The following INTS6 variants were observed in gnomAD, a reference collection of about 807,000 sequenced individuals.
INTS6 encodes the protein integrator complex subunit 6, also known as DEAD box protein.
Under a neutral mutation model 104.9 loss-of-function variants are expected in INTS6, and 16 were observed. The observed-to-expected ratio is 0.15, with a 90% CI of 0.10 to 0.23. INTS6 has a LOEUF of 0.23. Among genes scored for constraint, INTS6 ranks in the 10% least tolerant of loss-of-function variants. The probability of loss-of-function intolerance (pLI) is 1.00; values close to 1 mark genes in which losing one functional copy is unlikely to be tolerated. For synonymous variants in INTS6, 324 were observed against 358.7 expected (o/e 0.90, Z 1.09); for missense variants, 584 against 1,062.8 (o/e 0.55, Z 6.26).
intron 2 of INTS6, 66 bp downstream of exon 2, chr13:51,451,912 G>T: frequency 8.6e-7 from 1 of 1,161,096 alleles, no homozygotes; most frequent in Non-Finnish European, 1.3e-6. Flanking sequence ...ATGGGGGGGC[G>T]GGGAGGGCGA....
At chr13:51,379,726 G>A (rs1055367529) in intron 10 of INTS6, among the ~76,000 whole-genome samples, 154 bp from the exon 11 acceptor site, 3 of 151,992 alleles carry the variant, frequency 2.0e-5, no homozygotes, top group African/African-American at 7.2e-5. Flanking sequence ...TCAGTAAAAT[G>A]TTTGTCAGTG....
In INTS6 at chr13:51,362,769, C is replaced by T. The variant is rs1487488713; in HGVS notation, c.*2983G>A. On this transcript the variant is annotated 3_prime_UTR_variant, in exon 18 of 18. Transcript: ENST00000311234. ...TAAATTGTTAAGGAAATACTGTCAA[C>T]ATCATTTTATCTGAGAATCATTTGC... The T allele has an allele frequency of 6.6e-6, 1 of 152,524 alleles. No homozygotes were observed. The highest frequency in any genetic ancestry group is 2.4e-5 in the African/African-American group (1 of 41,548). 9.4% of individuals were successfully genotyped at this position (152,524 alleles called of 1,614,324 possible).
intron 4 of INTS6, among the ~76,000 whole-genome samples, chr13:51,404,824 T>C (rs1004763839): frequency 1.3e-5 from 2 of 152,158 alleles, no homozygotes; most frequent in African/African-American, 2.4e-5. Context: ...ATGATAAATA[T>C]ACACATTTTA....
intron 4 of INTS6, among the ~76,000 whole-genome samples, chr13:51,403,583 A>G (rs1469135665): frequency 1.9e-5 from 2 of 106,420 alleles, no homozygotes; most frequent in Non-Finnish European, 3.5e-5. Flanking sequence ...CTCCATTTCA[A>G]AAAAAAAAAA....
At position 51,395,503 on chromosome 13, in the gene INTS6, A is replaced by G; in HGVS notation, c.430-20T>C. On this transcript the variant is annotated intron_variant, in intron 4 of 17. Coordinates refer to ENST00000311234, the MANE Select transcript of INTS6 (RefSeq NM_012141.3). ...ATGAAGCTGAAAGTAGGGGGGAAAA[A>G]CAGTAATAAGAATTCCACAGACTAT... The G allele has an allele frequency of 6.3e-7, 1 of 1,599,268 alleles. No individual in the cohort carries two copies. The highest frequency in any genetic ancestry group is 1.3e-5 in the African/African-American group (1 of 74,236).
In INTS6 at chr13:51,452,820, G is replaced by A; in HGVS notation, c.-295C>T. 8.5e-7 allele frequency: 1 copy of A among 1,173,520 alleles called. No homozygotes were observed. The highest frequency in any genetic ancestry group is 1.1e-6 in the Non-Finnish European group (1 of 942,874). The allele number at this position is 1,173,520 out of a possible 1,614,324, so 72.7% of individuals were successfully genotyped here. A position where few individuals can be genotyped will look rare whatever the true frequency, so the allele number is the denominator to read the frequency against. On this transcript the variant is annotated 5_prime_UTR_variant, in exon 1 of 18. Coordinates refer to ENST00000311234, the MANE Select transcript of INTS6 (RefSeq NM_012141.3). The surrounding 1 kb of genome is among the most constrained non-coding windows in gnomAD (Gnocchi z 4.2). ...TGTCGGTTCGTCCCCCCCGCCTCGG[G>A]GGTCCCGTCCCCGCTCCCGGCCCCT...
Position 51,364,902 on chromosome 13 carries a change from T to G in INTS6, c.*850A>C, listed in dbSNP as rs1217536532. On this transcript the variant is annotated 3_prime_UTR_variant, in exon 18 of 18. Transcript: ENST00000311234. ...ACAATCCTAGTGATAAAGGAAAAGG[T>G]GTTGAAGTAAGGAAACCAATAATAT... 6.6e-6 allele frequency: 1 copy of G among 152,290 alleles called. No homozygotes were observed. Among genetic ancestry groups the G allele is most frequent in the Admixed American group, 6.6e-5 (1 of 15,246 alleles). 9.4% of individuals were successfully genotyped at this position (152,290 alleles called of 1,614,324 possible).
At chr13:51,376,006 G>GA (rs753785677) in intron 13 of INTS6, 42 bp downstream of exon 13, 56 of 1,532,368 alleles carry the variant, frequency 3.7e-5, no homozygotes, top group East Asian at 6.9e-5. Context: ...AGACTATAAA[G>GA]AAAAAAAATT....
At chr13:51,388,836 G>A (rs1295056109) in intron 6 of INTS6, among the ~76,000 whole-genome samples, 2 of 152,172 alleles carry the variant, frequency 1.3e-5, no homozygotes, top group Non-Finnish European at 2.9e-5. Context: ...AGCCAGGTGG[G>A]ACTCAGCTAG....
At chr13:51,414,339 G>C (rs1201325245) in intron 4 of INTS6, among the ~76,000 whole-genome samples, 1 of 152,196 alleles carries the variant, frequency 6.6e-6, no homozygotes, top group African/African-American at 2.4e-5. Context: ...TCCCAATAGA[G>C]AAGCTGAACC....
At chr13:51,441,694 A>G (rs1952799959) in intron 3 of INTS6, 1 of 152,234 alleles carries the variant, frequency 6.6e-6, no homozygotes, top group Non-Finnish European at 1.5e-5. Flanking sequence ...AGAAACTTAA[A>G]GTATGAAGCA....
intron 3 of INTS6, chr13:51,444,076 G>GT (rs919439726): frequency 1.3e-5 from 2 of 151,792 alleles, no homozygotes; most frequent in Admixed American, 1.3e-4. Context: ...TTGGTTTTTT[G>GT]TTTGTTTTTG....
In INTS6 at chr13:51,388,389, G is replaced by T. The variant is rs565686710; in HGVS notation, c.740-849C>A. Among the ~76,000 whole-genome samples the T allele has an allele frequency of 8.6e-3, 1,281 of 149,564 alleles. 18 individuals carry two copies. The highest frequency in any genetic ancestry group is 0.05 in the East Asian group (245 of 4,924). ...GTGTGTTTTGTTTTTTTTTGTTTTT[G>T]TTTTTGTTTTTCTTTTTTTTTGAGA... is the stretch of plus-strand genomic sequence containing the variant. On this transcript the variant is annotated intron_variant, in intron 6 of 17. Transcript: ENST00000311234.
intron 3 of INTS6, among the ~76,000 whole-genome samples, chr13:51,432,466 AAAC>A (rs1012809608): frequency 1.3e-5 from 2 of 152,152 alleles, no homozygotes. Context: ...AAAAAAAAAA[AAAC>A]ACCATCTTGT....
At position 51,450,985 on chromosome 13, in the gene INTS6, T is replaced by C. The variant is rs200831772; in HGVS notation, c.339+40A>G. 5.1e-5 allele frequency: 74 copies of C among 1,458,436 alleles called. No individual in the cohort carries two copies. In the South Asian group the frequency reaches 1.1e-3, roughly 22 times the overall value. 90.3% of individuals were successfully genotyped at this position (1,458,436 alleles called of 1,614,324 possible). A position where few individuals can be genotyped will look rare whatever the true frequency, so the allele number is the denominator to read the frequency against. ...GACTGGACTGTGTTTTTCCACAAAATGAAAAATCAACTATTTTGCCACCTT... is the reference window on the plus strand; with the variant it reads ...GACTGGACTGTGTTTTTCCACAAAACGAAAAATCAACTATTTTGCCACCTT... On this transcript the variant is annotated intron_variant, in intron 3 of 17. Coordinates refer to ENST00000311234, the MANE Select transcript of INTS6 (RefSeq NM_012141.3).
At chr13:51,356,129 TAC>T (rs1248254064) in intron 3 of INTS6, among the ~76,000 whole-genome samples, 2 of 152,178 alleles carry the variant, frequency 1.3e-5, no homozygotes, top group African/African-American at 2.4e-5. Context: ...GAATCTATTC[TAC>T]AGAGTTTAAA....
intron 4 of INTS6, among the ~76,000 whole-genome samples, chr13:51,401,536 T>G (rs937117024): frequency 5.9e-5 from 9 of 152,172 alleles, no homozygotes; most frequent in African/African-American, 1.9e-4. Context: ...GTATGAGTAT[T>G]CAAATGGAAG....
intron 3 of INTS6, among the ~76,000 whole-genome samples, chr13:51,431,252 C>G (rs1593756333): frequency 1.3e-5 from 2 of 152,116 alleles, no homozygotes; most frequent in African/African-American, 4.8e-5. Flanking sequence ...GAGGGTAAAC[C>G]TTGTATTTGA....
At chr13:51,413,055 G>C (rs1316510119) in intron 4 of INTS6, among the ~76,000 whole-genome samples, 1 of 152,152 alleles carries the variant, frequency 6.6e-6, no homozygotes, top group African/African-American at 2.4e-5. Context: ...TTATGTGGCA[G>C]GTACTGAAGG....
Sources: gnomAD v4.1 joint callset for allele counts (sites outside exome capture counted in the v4.1 genomes callset) on GRCh38, gnomAD v4.1.1 for gene constraint, Gnocchi (gnomAD v3.1) non-coding constraint, MANE v1.5 for transcripts, NCBI Gene and HGNC (gene_info 2026-07-23, HGNC 2026-07-21) for gene names.